Variants in ITGA8 observed in about 807,000 individuals in gnomAD.
The protein encoded by ITGA8 is integrin subunit alpha 8, also known as integrin alpha-8.
Under a neutral mutation model 142.3 loss-of-function variants are expected in ITGA8, and 91 were observed. The observed-to-expected ratio is 0.64, with a 90% CI of 0.54 to 0.76. ITGA8 has a LOEUF of 0.76. Ranked by LOEUF, ITGA8 falls within the 30% of genes least tolerant of loss-of-function variation. The pLI is 0.00. For synonymous variants in ITGA8, 505 were observed against 485.2 expected (o/e 1.04, Z -0.54); for missense variants, 1,406 against 1,327.7 (o/e 1.06, Z -0.92).
chr10:15,623,185 A>G (rs577253224), intron 13 of ITGA8, among the ~76,000 whole-genome samples: 2 of 152,206 alleles, frequency 1.3e-5, no homozygotes, highest in Admixed American at 6.5e-5. Flanking sequence ...TTTAAGTGCT[A>G]CAACAATCCT....
At chr10:15,611,884 T>C (rs1479727215) in intron 15 of ITGA8, among the ~76,000 whole-genome samples, 1 of 152,170 alleles carries the variant, frequency 6.6e-6, no homozygotes, top group Admixed American at 6.5e-5. Flanking sequence ...AATTATCTAG[T>C]TCAAAACAAC....
At chr10:15,665,034 A>C (rs1417350766) in intron 8 of ITGA8, among the ~76,000 whole-genome samples, 1 of 152,146 alleles carries the variant, frequency 6.6e-6, no homozygotes, top group African/African-American at 2.4e-5. Context: ...TATACCCAGT[A>C]ATGGGATTGC....
intron 12 of ITGA8, among the ~76,000 whole-genome samples, chr10:15,645,871 A>G (rs531568223): frequency 6.6e-6 from 1 of 152,300 alleles, no homozygotes; most frequent in South Asian, 2.1e-4. Flanking sequence ...GAGGGGTTTC[A>G]TAAATTCTAA....
chr10:15,536,533 T>C (rs1392242000), intron 27 of ITGA8, among the ~76,000 whole-genome samples: 3 of 152,164 alleles, frequency 2.0e-5, no homozygotes, highest in Non-Finnish European at 2.9e-5. Flanking sequence ...TATGTAACAA[T>C]AGTATTATTC....
At chr10:15,549,811 T>C (rs185570574) in intron 26 of ITGA8, among the ~76,000 whole-genome samples, 1 of 152,332 alleles carries the variant, frequency 6.6e-6, no homozygotes, top group East Asian at 1.9e-4. Flanking sequence ...AAGAACCTTT[T>C]TCGAGAACAT....
chr10:15,714,550 A>C (rs1835416972), intron 2 of ITGA8, among the ~76,000 whole-genome samples: 1 of 152,146 alleles, frequency 6.6e-6, no homozygotes, highest in Non-Finnish European at 1.5e-5. Flanking sequence ...TACTCTTTGC[A>C]TCTCCCCCAC....
At chr10:15,667,382 T>C (rs1564399882) in intron 8 of ITGA8, among the ~76,000 whole-genome samples, 1 of 152,190 alleles carries the variant, frequency 6.6e-6, no homozygotes, top group Non-Finnish European at 1.5e-5. Context: ...TATCATTTTT[T>C]ATTGCGTCTA....
At chr10:15,686,419 G>C (rs1414039967) in intron 3 of ITGA8, among the ~76,000 whole-genome samples, 1 of 152,208 alleles carries the variant, frequency 6.6e-6, no homozygotes, top group African/African-American at 2.4e-5. Context: ...TGTGTAGCTT[G>C]ATCTTCTCCA....
intron 2 of ITGA8, among the ~76,000 whole-genome samples, chr10:15,692,079 G>A (rs1416558715): frequency 6.6e-6 from 1 of 151,958 alleles, no homozygotes; most frequent in Non-Finnish European, 1.5e-5. Flanking sequence ...CTGGAAATAC[G>A]GGTGCATGCC....
intron 2 of ITGA8, among the ~76,000 whole-genome samples, chr10:15,700,901 T>G (rs1156954390): frequency 6.6e-6 from 1 of 152,202 alleles, no homozygotes; most frequent in Non-Finnish European, 1.5e-5. Flanking sequence ...CGTATTGGCA[T>G]GTTTACTGCA....
chr10:15,697,192 T>C (rs1309004053), intron 2 of ITGA8, among the ~76,000 whole-genome samples: 1 of 152,150 alleles, frequency 6.6e-6, no homozygotes, highest in Non-Finnish European at 1.5e-5. Context: ...TCAACTGTTA[T>C]ACACATATGA....
At chr10:15,539,261 C>T (rs1048962413) in intron 27 of ITGA8, among the ~76,000 whole-genome samples, 2 of 152,162 alleles carry the variant, frequency 1.3e-5, no homozygotes, top group Middle Eastern at 3.2e-3. Context: ...GGTCTCTAGT[C>T]TCTGTCTCAG....
In ITGA8 at chr10:15,515,230, G is replaced by C; in HGVS notation, c.*1928C>G. On this transcript the variant is annotated 3_prime_UTR_variant, in exon 30 of 30. Coordinates refer to ENST00000378076, the MANE Select transcript of ITGA8 (RefSeq NM_003638.3). The stretch of plus-strand genomic sequence containing the variant: ...AAGACTAACACCAAAGACCCCCAGA[G>C]GCTGGTGTGGACACCCCTTAATTCT... 6.6e-6 allele frequency: 1 copy of C among 152,356 alleles called. No homozygotes were observed. 9.4% of individuals were successfully genotyped at this position (152,356 alleles called of 1,614,324 possible).
At chr10:15,658,072 T>C (rs1343797119) in intron 10 of ITGA8, among the ~76,000 whole-genome samples, 2 of 152,246 alleles carry the variant, frequency 1.3e-5, no homozygotes, top group Admixed American at 6.5e-5. Context: ...TAACATTTCT[T>C]GAGGAGTTGT....
chr10:15,712,356 C>T (rs1310271724), intron 2 of ITGA8, among the ~76,000 whole-genome samples: 1 of 152,012 alleles, frequency 6.6e-6, no homozygotes, highest in East Asian at 1.9e-4. Flanking sequence ...CCAAGGCAGG[C>T]AGATCACTTG....
Position 15,659,035 on chromosome 10 carries a change from C to A in ITGA8, c.912G>T (p.Thr304=), listed in dbSNP as rs145752759. ...NFGYVSIINS[T]DMTFIQNFTG... ...TGAAATTCTGAATAAACGTCATATC[C>A]GTAGAGTTAATGATGGAAACCTGAA... Residue 304 remains threonine (T), a synonymous_variant, in exon 10 of 30, where the codon ACG becomes ACT. Coordinates refer to ENST00000378076, the MANE Select transcript of ITGA8 (RefSeq NM_003638.3). The A allele has an allele frequency of 3.1e-6, 5 of 1,606,224 alleles. No homozygotes were observed. In the South Asian group the frequency reaches 5.5e-5, roughly 18 times the overall value.
chr10:15,671,775 G>T, intron 7 of ITGA8, 128 bp from the exon 8 acceptor site: 4 of 544,702 alleles, frequency 7.3e-6, no homozygotes, highest in East Asian at 4.3e-5. Flanking sequence ...TATTATAAAA[G>T]TTAAAGATTC....
chr10:15,662,295 C>A (rs1453974174), intron 8 of ITGA8, among the ~76,000 whole-genome samples: 2 of 129,506 alleles, frequency 1.5e-5, no homozygotes, highest in Non-Finnish European at 1.6e-5. Context: ...TTTTCCTTTT[C>A]AATAACTCAA....
At chr10:15,592,495 C>T (rs1832943942) in intron 21 of ITGA8, among the ~76,000 whole-genome samples, 191 bp from the exon 22 acceptor site, 1 of 152,236 alleles carries the variant, frequency 6.6e-6, no homozygotes, top group South Asian at 2.1e-4. Context: ...GGTCACAGTA[C>T]AGGTTGGTTC....
Sources: gnomAD v4.1 joint callset for allele counts (sites outside exome capture counted in the v4.1 genomes callset) on GRCh38, gnomAD v4.1.1 for gene constraint, MANE v1.5 for transcripts, NCBI Gene and HGNC (gene_info 2026-07-23, HGNC 2026-07-21) for gene names.